The following ITGAV variants were observed in gnomAD, a reference collection of about 807,000 sequenced individuals.
ITGAV encodes the protein integrin alpha-V.
Under a neutral mutation model 143.8 loss-of-function variants are expected in ITGAV, and 76 were observed. The observed-to-expected ratio is 0.53, with a 90% CI of 0.44 to 0.64. ITGAV has a LOEUF of 0.64. Ranked by LOEUF, ITGAV falls within the 30% of genes least tolerant of loss-of-function variation. The probability of loss-of-function intolerance (pLI) is 0.00; values close to 1 mark genes in which losing one functional copy is unlikely to be tolerated. For synonymous variants in ITGAV, 453 were observed against 446.7 expected (o/e 1.01, Z -0.18); for missense variants, 1,193 against 1,274.7 (o/e 0.94, Z 0.98).
At chr2:186,668,216 AT>A (rs1186490756) in intron 24 of ITGAV, among the ~76,000 whole-genome samples, 14 of 4,182 alleles carry the variant, frequency 3.3e-3, no homozygotes, top group African/African-American at 7.1e-3. Context: ...ATATATATAT[AT>A]TTTTTTTTTT....
rs770037400 is a variant in ITGAV at position 186,675,650 on chromosome 2, G to C, written c.2753G>C (p.Arg918Thr). ...TTGAAGATTGTCTGCCAAGTTGGGA[G>C]ATTAGACAGAGGAAAGAGTGCAATC... ...QCLKIVCQVG[R>T]LDRGKSAILY... is the part of the protein sequence containing the mutation. Residue 918 changes from arginine (R) to threonine (T), a missense_variant, in exon 27 of 30, where the codon AGA becomes ACA. By Grantham distance (71) the Arg-to-Thr change is moderately conservative (BLOSUM62 -1). Transcript: ENST00000261023. The C allele has an allele frequency of 4.4e-5, 71 of 1,613,980 alleles. No homozygotes were observed. The highest frequency in any genetic ancestry group is 6.0e-5 in the Non-Finnish European group (71 of 1,179,972).
intron 3 of ITGAV, among the ~76,000 whole-genome samples, chr2:186,624,703 A>G (rs1311752468): frequency 6.6e-6 from 1 of 152,192 alleles, no homozygotes; most frequent in African/African-American, 2.4e-5. Context: ...TCATTACTCT[A>G]CTGCTCTATG....
intron 1 of ITGAV, 21 bp downstream of exon 1, chr2:186,590,544 C>T (rs200282331): frequency 3.7e-6 from 6 of 1,605,456 alleles, no homozygotes; most frequent in Non-Finnish European, 5.1e-6. Context: ...GCACTTGGAA[C>T]TGGAGCCGGC....
intron 6 of ITGAV, among the ~76,000 whole-genome samples, chr2:186,635,831 T>G (rs1406223113): frequency 1.3e-5 from 2 of 152,208 alleles, no homozygotes; most frequent in Non-Finnish European, 2.9e-5. Context: ...TTTCTAGTGA[T>G]TTAAGACAAG....
At chr2:186,629,674 G>A (rs76568033) in intron 4 of ITGAV, among the ~76,000 whole-genome samples, 2,298 of 152,068 alleles carry the variant, frequency 0.015, 27 homozygotes, top group Admixed American at 0.031. Context: ...GGATTATTTA[G>A]CAGAAGTTCT....
In ITGAV at chr2:186,669,984, ATTT is replaced by A. The variant is rs1022184490; in HGVS notation, c.2706+172_2706+174del. 1.6e-5 allele frequency: 9 copies of A among 572,332 alleles called. No homozygotes were observed. The African/African-American group carries it at 1.7e-4, about 11-fold the overall frequency. The allele number at this position is 572,332 out of a possible 1,614,324, so 35.5% of individuals were successfully genotyped here. ...TTTTTCCTAGTCAGATTAATGCCAT[ATTT>A]TCTTCAAATGAGCTATTTTTGTAGA... On this transcript the variant is annotated intron_variant, in intron 26 of 29. Coordinates refer to ENST00000261023, the MANE Select transcript of ITGAV (RefSeq NM_002210.5).
intron 3 of ITGAV, 66 bp downstream of exon 3, chr2:186,622,496 T>C: frequency 3.8e-6 from 4 of 1,056,116 alleles, no homozygotes; most frequent in Non-Finnish European, 5.9e-6. Context: ...CAGAAGGTTT[T>C]ATATTTTCAG....
Position 186,678,248 on chromosome 2 carries a change from G to A in ITGAV, c.*956G>A, listed in dbSNP as rs972206098. The A allele has an allele frequency of 6.5e-6, 1 of 152,974 alleles. No individual in the cohort carries two copies. Among genetic ancestry groups the A allele is most frequent in the Non-Finnish European group, 1.5e-5 (1 of 68,582 alleles). 9.5% of individuals were successfully genotyped at this position (152,974 alleles called of 1,614,324 possible). A position where few individuals can be genotyped will look rare whatever the true frequency, so the allele number is the denominator to read the frequency against. ...TTCTTAGAGTAGAGCAGAGTTTTTA[G>A]TTAGTATTAATTTATTTTCCTCCAT... On this transcript the variant is annotated 3_prime_UTR_variant, in exon 30 of 30. Coordinates refer to ENST00000261023, the MANE Select transcript of ITGAV (RefSeq NM_002210.5).
At chr2:186,673,192 T>A (rs1256991274) in intron 26 of ITGAV, among the ~76,000 whole-genome samples, 1 of 152,240 alleles carries the variant, frequency 6.6e-6, no homozygotes, top group East Asian at 1.9e-4. Flanking sequence ...TCCCCTTAAA[T>A]GGTCTTGGCA....
In ITGAV at chr2:186,677,548, T is replaced by C. The variant is rs1416825074; in HGVS notation, c.*256T>C. The C allele has an allele frequency of 2.7e-6, 1 of 372,286 alleles. No homozygotes were observed. Among genetic ancestry groups the C allele is most frequent in the Admixed American group, 4.0e-5 (1 of 25,044 alleles). 23.1% of individuals were successfully genotyped at this position (372,286 alleles called of 1,614,324 possible). On this transcript the variant is annotated 3_prime_UTR_variant, in exon 30 of 30. Coordinates refer to ENST00000261023, the MANE Select transcript of ITGAV (RefSeq NM_002210.5). The stretch of plus-strand genomic sequence containing the variant: ...ATTTCAAGGGATAGTTTTTATTCAA[T>C]GTATATAAGACAGGTAGTGCCTGAT...
intron 1 of ITGAV, among the ~76,000 whole-genome samples, chr2:186,597,173 A>G (rs1486488817): frequency 6.6e-6 from 1 of 152,228 alleles, no homozygotes; most frequent in Non-Finnish European, 1.5e-5. Context: ...TGCTGCCAAT[A>G]GAGTGGTGTT....
chr2:186,640,747 T>C (rs1688078942), intron 10 of ITGAV, among the ~76,000 whole-genome samples, 168 bp from the exon 11 acceptor site: 1 of 152,204 alleles, frequency 6.6e-6, no homozygotes, highest in Non-Finnish European at 1.5e-5. Flanking sequence ...CAAGCCTCAT[T>C]ACCTGATTGT....
rs1374762599 is a variant in ITGAV, at chr2:186,602,978, T to C, written c.316+827T>C. 3.3e-5 allele frequency among the ~76,000 whole-genome samples: 5 copies of C among 152,074 alleles called. No individual in the cohort carries two copies. The South Asian group carries it at 8.3e-4, about 25-fold the overall frequency. Reference sequence around the variant, plus strand: ...ACTTTGTTGGGAAAATTATATATTATGGTTCTGATAACAGGAGAATTTTAG... The same window carrying C: ...ACTTTGTTGGGAAAATTATATATTACGGTTCTGATAACAGGAGAATTTTAG... On this transcript the variant is annotated intron_variant, in intron 2 of 29. Coordinates refer to ENST00000261023, the MANE Select transcript of ITGAV (RefSeq NM_002210.5).
intron 23 of ITGAV, among the ~76,000 whole-genome samples, 198 bp from the exon 24 acceptor site, chr2:186,667,473 T>G (rs933130548): frequency 9.9e-5 from 15 of 152,192 alleles, no homozygotes; most frequent in Admixed American, 1.3e-4. Context: ...TTTACACAAA[T>G]TGTCAATTCA....
intron 1 of ITGAV, among the ~76,000 whole-genome samples, chr2:186,595,297 G>C (rs1430547263): frequency 6.6e-6 from 1 of 152,178 alleles, no homozygotes; most frequent in Non-Finnish European, 1.5e-5. Context: ...TTATTTGGAG[G>C]GTTTGAAAAA....
intron 1 of ITGAV, among the ~76,000 whole-genome samples, chr2:186,591,211 G>A (rs889425980): frequency 6.6e-6 from 1 of 152,182 alleles, no homozygotes; most frequent in Admixed American, 6.5e-5. Flanking sequence ...GGTGTTTGCT[G>A]AGTTTTCACT....
chr2:186,679,009 C>G lies in ITGAV; in HGVS notation c.*1717C>G. 1 of 246,160 alleles carries G rather than the reference C, an allele frequency of 4.1e-6. No homozygotes were observed. The highest frequency in any genetic ancestry group is 1.2e-4 in the East Asian group (1 of 8,630). The allele number at this position is 246,160 out of a possible 1,614,324, so 15.2% of individuals were successfully genotyped here. ...CTTCTATTTTAGCTTTAGTGAATTTCAAAAGTAATGGGTCTTGGAGTATAG... is the reference window on the plus strand; with the variant it reads ...CTTCTATTTTAGCTTTAGTGAATTTGAAAAGTAATGGGTCTTGGAGTATAG... On this transcript the variant is annotated 3_prime_UTR_variant, in exon 30 of 30. Transcript: ENST00000261023.
At chr2:186,645,614 G>C (rs535483668) in intron 12 of ITGAV, among the ~76,000 whole-genome samples, 3 of 152,296 alleles carry the variant, frequency 2.0e-5, no homozygotes, top group Admixed American at 1.3e-4. Flanking sequence ...ATGATATGGT[G>C]AATGTTTGGC....
chr2:186,624,532 A>G (rs1431840325), intron 3 of ITGAV, among the ~76,000 whole-genome samples: 1 of 152,198 alleles, frequency 6.6e-6, no homozygotes, highest in African/African-American at 2.4e-5. Flanking sequence ...GCTATGACCT[A>G]CTTTCACTGT....
Sources: gnomAD v4.1 joint callset for allele counts (sites outside exome capture counted in the v4.1 genomes callset) on GRCh38, gnomAD v4.1.1 for gene constraint, MANE v1.5 for transcripts, NCBI Gene and HGNC (gene_info 2026-07-23, HGNC 2026-07-21) for gene names.